PDE4D: variants seen among roughly 807,000 people sequenced by gnomAD.
PDE4D encodes the protein phosphodiesterase 4D, also known as 3',5'-cyclic-AMP phosphodiesterase 4D.
In PDE4D, 24 loss-of-function variants were observed where a neutral mutation model predicts 87.4. The observed-to-expected ratio is 0.27, with a 90% confidence interval of 0.20 to 0.39. The LOEUF (loss-of-function observed/expected upper bound fraction) is 0.39, where lower values mean the gene tolerates loss of function less well. Ranked by LOEUF, PDE4D falls within the 10% of genes least tolerant of loss-of-function variation. PDE4D has a pLI of 1.00. For missense variants in PDE4D, 714 were observed against 1,041.0 expected, an observed-to-expected ratio of 0.69 and a Z score of 4.32; for synonymous variants, 384 against 383.2, an observed-to-expected ratio of 1.00 and a Z score of -0.02.
At chr5:60,317,505 T>G (rs1755743909) in intron 1 of PDE4D, among the ~76,000 whole-genome samples, 1 of 152,220 alleles carries the variant, frequency 6.6e-6, no homozygotes, top group Non-Finnish European at 1.5e-5. Flanking sequence ...TGTTCTGATC[T>G]TAGTTATTTC....
intron 6 of PDE4D, among the ~76,000 whole-genome samples, chr5:59,027,928 T>C (rs1470603117): frequency 6.6e-6 from 1 of 152,046 alleles, no homozygotes; most frequent in African/African-American, 2.4e-5. Flanking sequence ...AATATTTGTG[T>C]GTATACTAGA....
chr5:59,497,043 C>T (rs921884303), intron 1 of PDE4D, among the ~76,000 whole-genome samples: 6 of 152,128 alleles, frequency 3.9e-5, no homozygotes, highest in African/African-American at 1.4e-4. Flanking sequence ...TCTCAGCCAC[C>T]GCACAAACTT....
At chr5:59,441,543 C>A (rs1377182317) in intron 1 of PDE4D, among the ~76,000 whole-genome samples, 1 of 152,228 alleles carries the variant, frequency 6.6e-6, no homozygotes, top group East Asian at 1.9e-4. Flanking sequence ...CAACACCCTT[C>A]TGGACTGATT....
chr5:59,668,887 A>AGAAGAG (rs1746653841), intron 1 of PDE4D, among the ~76,000 whole-genome samples: 1 of 79,258 alleles, frequency 1.3e-5, no homozygotes, highest in African/African-American at 5.5e-5. Flanking sequence ...AAGAAGAAGA[A>AGAAGAG]GAAGAAGAAG....
At chr5:59,167,848 C>A (rs546601603) in intron 5 of PDE4D, among the ~76,000 whole-genome samples, 2 of 151,962 alleles carry the variant, frequency 1.3e-5, no homozygotes, top group African/African-American at 4.8e-5. Flanking sequence ...GTCCTTGGAG[C>A]CTAAGCATAG....
intron 1 of PDE4D, among the ~76,000 whole-genome samples, chr5:59,377,432 AAT>A (rs60411698): frequency 0.022 from 3,328 of 150,066 alleles, 110 homozygotes; most frequent in African/African-American, 0.075. Context: ...AAAAAAAAAA[AAT>A]ATGTCATGAC....
chr5:59,595,261 T>C (rs1826500854), intron 1 of PDE4D, among the ~76,000 whole-genome samples: 1 of 152,192 alleles, frequency 6.6e-6, no homozygotes, highest in Non-Finnish European at 1.5e-5. Context: ...CTGAAACTTA[T>C]CACATAGTTT....
At chr5:59,148,337 T>C (rs563132147) in intron 5 of PDE4D, among the ~76,000 whole-genome samples, 3 of 152,344 alleles carry the variant, frequency 2.0e-5, no homozygotes, top group Non-Finnish European at 2.9e-5. Flanking sequence ...AGAGGACTTT[T>C]CATTTTTCTT....
chr5:59,886,381 G>A (rs1488488859), intron 1 of PDE4D, among the ~76,000 whole-genome samples: 2 of 152,036 alleles, frequency 1.3e-5, no homozygotes, highest in Middle Eastern at 3.2e-3. Flanking sequence ...GCCGGACATG[G>A]TGGCAGGCGC....
chr5:59,481,677 T>C (rs1804284025), intron 1 of PDE4D, among the ~76,000 whole-genome samples: 1 of 152,128 alleles, frequency 6.6e-6, no homozygotes, highest in Non-Finnish European at 1.5e-5. Flanking sequence ...GCCTTCATGA[T>C]TTGACTTTTC....
intron 1 of PDE4D, among the ~76,000 whole-genome samples, chr5:59,740,357 G>C (rs1262835336): frequency 6.6e-6 from 1 of 151,756 alleles, no homozygotes; most frequent in Non-Finnish European, 1.5e-5. Flanking sequence ...TTTTCTTGCT[G>C]GTATTTTTGT....
intron 1 of PDE4D, among the ~76,000 whole-genome samples, chr5:59,883,307 G>A (rs914399102): frequency 3.9e-5 from 6 of 152,172 alleles, no homozygotes; most frequent in Non-Finnish European, 8.8e-5. Flanking sequence ...TCAAATTCGG[G>A]TATTCAGGTG....
At chr5:59,652,167 T>C (rs1005999737) in intron 1 of PDE4D, among the ~76,000 whole-genome samples, 1 of 152,184 alleles carries the variant, frequency 6.6e-6, no homozygotes, top group Non-Finnish European at 1.5e-5. Flanking sequence ...AAGAACGGTC[T>C]CATATATGCC....
At chr5:58,990,998 T>C in intron 8 of PDE4D, 96 bp from the exon 9 acceptor site, 1 of 720,708 alleles carries the variant, frequency 1.4e-6, no homozygotes, top group Non-Finnish European at 2.3e-6. Context: ...AGACCTTAGG[T>C]GGCCGGGCAT....
chr5:59,486,310 G>A (rs772902447), intron 1 of PDE4D, among the ~76,000 whole-genome samples: 26 of 151,966 alleles, frequency 1.7e-4, no homozygotes, highest in Non-Finnish European at 2.5e-4. Flanking sequence ...TTTTCTCTGT[G>A]GCACTATCTA....
At chr5:59,458,014 A>G (rs1272133778) in intron 1 of PDE4D, among the ~76,000 whole-genome samples, 1 of 151,890 alleles carries the variant, frequency 6.6e-6, no homozygotes, top group Non-Finnish European at 1.5e-5. Flanking sequence ...CTCTAATCTG[A>G]CTCCTTATTC....
chr5:60,394,945 CA>C (rs1762788587), intron 1 of PDE4D, among the ~76,000 whole-genome samples: 2 of 152,136 alleles, frequency 1.3e-5, no homozygotes, highest in African/African-American at 4.8e-5. Context: ...GGAATTCTTG[CA>C]GAGAAATATT....
At chr5:60,194,526 G>A (rs1740979970) in intron 1 of PDE4D, among the ~76,000 whole-genome samples, 1 of 151,564 alleles carries the variant, frequency 6.6e-6, no homozygotes, top group Admixed American at 6.6e-5. Context: ...AATGCAGATG[G>A]CTGACTCTCC....
Position 59,738,024 on chromosome 5 carries a change from A to G in PDE4D, c.455+155144T>C, listed in dbSNP as rs183568307. On this transcript the variant is annotated intron_variant, in intron 1 of 14. Transcript: ENST00000340635. The stretch of plus-strand genomic sequence containing the variant: ...ATTATACATTAAAGATTTATTATGC[A>G]CTTGCTACTGATGTTAAAATACTTT... Among the ~76,000 whole-genome samples, 88 of 152,288 alleles carry G rather than the reference A, an allele frequency of 5.8e-4. 1 individual carries two copies. The highest frequency in any genetic ancestry group is 2.1e-3 in the African/African-American group (87 of 41,584).
Sources: allele counts gnomAD v4.1 joint callset (sites outside exome capture counted in the v4.1 genomes callset), GRCh38; gene constraint gnomAD v4.1.1; transcripts MANE v1.5; gene names NCBI Gene and HGNC (gene_info 2026-07-23, HGNC 2026-07-21).